The following NFKB1 variants were observed in gnomAD, a reference collection of about 807,000 sequenced individuals.
The protein encoded by NFKB1 is nuclear factor kappa B subunit 1.
A neutral mutation model predicts 105.1 loss-of-function variants in NFKB1; 9 were observed. The observed-to-expected ratio is 0.09, with a 90% CI of 0.05 to 0.15. NFKB1 has a LOEUF of 0.15. NFKB1 is among the 10% of genes least tolerant of loss of function. The probability of loss-of-function intolerance (pLI) is 1.00; values close to 1 mark genes in which losing one functional copy is unlikely to be tolerated. For missense variants in NFKB1, 830 were observed against 1,203.7 expected (o/e 0.69, Z 4.59); for synonymous variants, 440 against 442.2 (o/e 1.00, Z 0.06).
chr4:102,606,598 G>A lies in NFKB1; in HGVS notation c.1855G>A (p.Val619Ile). 6.2e-7 allele frequency: 1 copy of A among 1,614,130 alleles called. No individual in the cohort carries two copies. Among genetic ancestry groups the A allele is most frequent in the Non-Finnish European group, 8.5e-7 (1 of 1,180,034 alleles). Reference sequence around the variant, plus strand: ...CCTTCTGGACCGCTTGGGTAACTCTGTTTTGCACCTAGCTGCCAAAGAAGG... The same window carrying A: ...CCTTCTGGACCGCTTGGGTAACTCTATTTTGCACCTAGCTGCCAAAGAAGG... ...LSLLDRLGNS[V>I]LHLAAKEGHD... is the part of the protein sequence containing the mutation. The change falls in exon 17 of 24, where the codon GTT becomes ATT. Residue 619 changes from valine (V) to isoleucine (I), a missense_variant. Transcript: ENST00000226574.
chr4:102,607,151 T>C lies in NFKB1; in HGVS notation c.1956T>C (p.Gly652=). The change falls in exon 18 of 24, where the codon GGT becomes GGC. Residue 652 remains glycine (G), a splice_region_variant and synonymous_variant. Coordinates refer to ENST00000226574, the MANE Select transcript of NFKB1 (RefSeq NM_003998.4). ...ALLLDHPNGD[G]LNAIHLAMMS... ...ACTGTCCCTTTGCTTGGACTCTAGGTCTGAATGCCATTCATCTAGCCATGA... is the reference window on the plus strand; with the variant it reads ...ACTGTCCCTTTGCTTGGACTCTAGGCCTGAATGCCATTCATCTAGCCATGA... The C allele has an allele frequency of 6.2e-7, 1 of 1,614,138 alleles. No homozygotes were observed. Among genetic ancestry groups the C allele is most frequent in the South Asian group, 1.1e-5 (1 of 91,082 alleles).
chr4:102,551,367 T>TGTGTGTGTGTGTGCACGCGC (rs370790173), intron 5 of NFKB1, among the ~76,000 whole-genome samples: 29 of 150,204 alleles, frequency 1.9e-4, no homozygotes, highest in African/African-American at 6.8e-4. Flanking sequence ...TGTGTGTGTG[T>TGTGTGTGTGTGTGCACGCGC]GCGCGCGCGC....
intron 5 of NFKB1, among the ~76,000 whole-genome samples, chr4:102,560,042 C>CA (rs1285073381): frequency 7.3e-5 from 11 of 151,064 alleles, no homozygotes; most frequent in East Asian, 5.8e-4. Flanking sequence ...ACACAACTGG[C>CA]AAAAAAAAGT....
intron 1 of NFKB1, among the ~76,000 whole-genome samples, chr4:102,502,410 A>G (rs1219030762): frequency 7.1e-6 from 1 of 141,814 alleles, no homozygotes; most frequent in African/African-American, 2.6e-5. Context: ...ACACACACAC[A>G]CACACACACA....
At chr4:102,549,274 T>G (rs911359674) in intron 5 of NFKB1, among the ~76,000 whole-genome samples, 2 of 151,732 alleles carry the variant, frequency 1.3e-5, no homozygotes, top group Non-Finnish European at 2.9e-5. Flanking sequence ...AACTGAGGCT[T>G]AATGAGTAAC....
intron 1 of NFKB1, among the ~76,000 whole-genome samples, chr4:102,518,353 T>C (rs1257186222): frequency 6.6e-6 from 1 of 152,182 alleles, no homozygotes; most frequent in East Asian, 1.9e-4. Context: ...GTGTTTTGGC[T>C]ACTATACTTG....
At chr4:102,616,342 G>A in intron 23 of NFKB1, 92 bp from the exon 24 acceptor site, 1 of 1,414,758 alleles carries the variant, frequency 7.1e-7, no homozygotes. Context: ...GTGGCTGGCA[G>A]AAGCCAGTGG....
intron 5 of NFKB1, among the ~76,000 whole-genome samples, chr4:102,540,771 C>T (rs917434759): frequency 1.3e-5 from 2 of 151,946 alleles, no homozygotes; most frequent in African/African-American, 4.8e-5. Context: ...AAGAAAGAGA[C>T]AACGGCCAGG....
chr4:102,544,433 T>C (rs1721971621), intron 5 of NFKB1, among the ~76,000 whole-genome samples: 1 of 152,166 alleles, frequency 6.6e-6, no homozygotes, highest in African/African-American at 2.4e-5. Context: ...GCTTCACTGC[T>C]TTTTCTTTCT....
At chr4:102,579,669 A>G (rs2149186055) in intron 8 of NFKB1, among the ~76,000 whole-genome samples, 1 of 148,198 alleles carries the variant, frequency 6.7e-6, no homozygotes, top group African/African-American at 2.5e-5. Flanking sequence ...ATATATGTAT[A>G]TATATATTAA....
intron 9 of NFKB1, 86 bp downstream of exon 9, chr4:102,580,725 C>G: frequency 9.4e-7 from 1 of 1,067,896 alleles, no homozygotes; most frequent in Non-Finnish European, 1.4e-6. Context: ...CACATTTCAG[C>G]AGTGGACAAG....
chr4:102,572,114 G>T (rs1434316370), intron 6 of NFKB1, among the ~76,000 whole-genome samples: 1 of 152,164 alleles, frequency 6.6e-6, no homozygotes, highest in Non-Finnish European at 1.5e-5. Context: ...ACTGGATTAA[G>T]AAAATGTGGC....
chr4:102,585,136 G>A (rs543668668), intron 11 of NFKB1, among the ~76,000 whole-genome samples: 4 of 151,884 alleles, frequency 2.6e-5, no homozygotes, highest in African/African-American at 4.8e-5. Flanking sequence ...GCAGTCCTCC[G>A]GCCTTGGCCT....
intron 9 of NFKB1, among the ~76,000 whole-genome samples, chr4:102,581,057 T>C (rs185760089): frequency 8.9e-4 from 135 of 152,344 alleles, no homozygotes; most frequent in African/African-American, 3.1e-3. Flanking sequence ...GATATAACAC[T>C]GAGAGAACTT....
At chr4:102,522,168 G>T (rs1246821875) in intron 1 of NFKB1, among the ~76,000 whole-genome samples, 6 of 152,142 alleles carry the variant, frequency 3.9e-5, no homozygotes, top group African/African-American at 1.4e-4. Context: ...CGCTTAGTTG[G>T]TATTTCAACA....
chr4:102,516,013 T>C (rs1740154802), intron 1 of NFKB1, among the ~76,000 whole-genome samples: 1 of 152,174 alleles, frequency 6.6e-6, no homozygotes, highest in Admixed American at 6.5e-5. Flanking sequence ...TTGCTGAATA[T>C]TCTGGACCAA....
At chr4:102,555,929 A>G (rs532293909) in intron 5 of NFKB1, among the ~76,000 whole-genome samples, 29 of 152,192 alleles carry the variant, frequency 1.9e-4, no homozygotes, top group South Asian at 4.1e-4. Flanking sequence ...TTGGAAGGGA[A>G]AGGCCCAGAG....
intron 2 of NFKB1, among the ~76,000 whole-genome samples, chr4:102,526,648 G>A (rs943065919): frequency 5.3e-5 from 8 of 152,018 alleles, no homozygotes; most frequent in African/African-American, 1.4e-4. Context: ...CTTAGTCCCC[G>A]TAATCCTCAC....
chr4:102,586,768 A>G (rs1173293241), intron 11 of NFKB1, among the ~76,000 whole-genome samples: 1 of 152,218 alleles, frequency 6.6e-6, no homozygotes, highest in Non-Finnish European at 1.5e-5. Flanking sequence ...AAGGGAGGTC[A>G]GTAAAATGAT....
Sources: allele counts gnomAD v4.1 joint callset (sites outside exome capture counted in the v4.1 genomes callset), GRCh38; gene constraint gnomAD v4.1.1; transcripts MANE v1.5; gene names NCBI Gene and HGNC (gene_info 2026-07-23, HGNC 2026-07-21).